The following DCHS2 variants were observed in gnomAD, a reference collection of about 807,000 sequenced individuals.
DCHS2 encodes protocadherin-23.
DCHS2 carries 142 observed loss-of-function variants against 182.4 expected under a neutral mutation model. The observed-to-expected ratio is 0.78, with a 90% CI of 0.68 to 0.89. The LOEUF is 0.89. Among genes scored for constraint, DCHS2 ranks in the 40% least tolerant of loss-of-function variants. The probability of loss-of-function intolerance (pLI) is 0.00; values close to 1 mark genes in which losing one functional copy is unlikely to be tolerated. For synonymous variants in DCHS2, 1,740 were observed against 1,663.3 expected, an observed-to-expected ratio of 1.05 and a Z score of -1.12; for missense variants, 4,319 against 4,198.6, an observed-to-expected ratio of 1.03 and a Z score of -0.79.
chr4:154,412,067 T>A (rs986763609), intron 1 of DCHS2, among the ~76,000 whole-genome samples: 1 of 152,206 alleles, frequency 6.6e-6, no homozygotes, highest in Admixed American at 6.5e-5. Flanking sequence ...ATTTACTGTA[T>A]CATGCATTCT....
chr4:154,342,134 G>GT (rs1038816034), intron 3 of DCHS2, among the ~76,000 whole-genome samples: 11 of 152,158 alleles, frequency 7.2e-5, no homozygotes, highest in Admixed American at 3.3e-4. Context: ...TTTACACTAT[G>GT]TTGTAGCCTA....
chr4:154,461,871 A>C (rs1385507646), intron 1 of DCHS2, among the ~76,000 whole-genome samples: 1 of 152,190 alleles, frequency 6.6e-6, no homozygotes, highest in Non-Finnish European at 1.5e-5. Context: ...GGACATTTGC[A>C]AGAGGAAGAC....
At chr4:154,319,363 A>G (rs1000457814) in intron 9 of DCHS2, among the ~76,000 whole-genome samples, 2 of 152,040 alleles carry the variant, frequency 1.3e-5, no homozygotes, top group African/African-American at 4.8e-5. Context: ...TAAAATTAAG[A>G]AGCTTCTGCA....
At chr4:154,485,830 T>A (rs189027967) in intron 1 of DCHS2, among the ~76,000 whole-genome samples, 1 of 152,378 alleles carries the variant, frequency 6.6e-6, no homozygotes, top group East Asian at 1.9e-4. Context: ...GATCTGGTTA[T>A]AAGATAAAAG....
At position 154,366,261 on chromosome 4, in the gene DCHS2, C is replaced by T. The variant is rs1189900596; in HGVS notation, c.2425G>A (p.Glu809Lys). 2 of 1,613,738 alleles carry T rather than the reference C, an allele frequency of 1.2e-6. No individual in the cohort carries two copies. Among genetic ancestry groups the T allele is most frequent in the Admixed American group, 1.7e-5 (1 of 59,990 alleles). ...GACGACACGTTTCCTGGAATAAGCT[C>T]ATAAGCCACTGTCCCATATATCCCA... The part of the protein sequence containing the change: ...DSGIYGTVAY[E>K]LIPGNVSSLF... Residue 809 changes from glutamate (E) to lysine (K), a missense_variant, in exon 3 of 20, where the codon GAG becomes AAG. Glu to Lys is a moderately conservative substitution (Grantham distance 56). Transcript: ENST00000357232.
At chr4:154,445,269 C>T (rs1734233368) in intron 1 of DCHS2, among the ~76,000 whole-genome samples, 1 of 152,138 alleles carries the variant, frequency 6.6e-6, no homozygotes, top group African/African-American at 2.4e-5. Flanking sequence ...TAAATATTTC[C>T]TGAATGAATT....
At chr4:154,414,524 TATG>T (rs1732758711) in intron 1 of DCHS2, among the ~76,000 whole-genome samples, 3 of 126,816 alleles carry the variant, frequency 2.4e-5, no homozygotes, top group African/African-American at 9.1e-5. Context: ...CCAAGGGACA[TATG>T]ATAACTGCCA....
chr4:154,387,343 T>C (rs1731466149), intron 1 of DCHS2, among the ~76,000 whole-genome samples: 1 of 152,140 alleles, frequency 6.6e-6, no homozygotes, highest in African/African-American at 2.4e-5. Flanking sequence ...AATAGTGTGA[T>C]CTAATAAAAG....
chr4:154,445,808 C>CAA (rs11335225), intron 1 of DCHS2, among the ~76,000 whole-genome samples: 5 of 110,804 alleles, frequency 4.5e-5, no homozygotes, highest in African/African-American at 1.0e-4. Context: ...AAGACACTGT[C>CAA]AAAAAAAAAA....
chr4:154,476,590 A>G (rs1735693525), intron 1 of DCHS2, among the ~76,000 whole-genome samples: 1 of 152,202 alleles, frequency 6.6e-6, no homozygotes, highest in South Asian at 2.1e-4. Flanking sequence ...TGTGGCTACC[A>G]TGCAGGGCAT....
chr4:154,286,399 G>A (rs924427595), intron 13 of DCHS2, among the ~76,000 whole-genome samples: 2 of 151,904 alleles, frequency 1.3e-5, no homozygotes, highest in African/African-American at 4.8e-5. Flanking sequence ...TGAGATAGGT[G>A]ACCTTTCAGA....
At chr4:154,277,324 T>C (rs1042649419) in intron 13 of DCHS2, among the ~76,000 whole-genome samples, 3 of 152,242 alleles carry the variant, frequency 2.0e-5, no homozygotes, top group African/African-American at 7.2e-5. Flanking sequence ...CCAGCATACT[T>C]TGGATGCTTG....
Position 154,490,362 on chromosome 4 carries a change from G to A in DCHS2, c.994C>T (p.Arg332Cys). The A allele has an allele frequency of 1.3e-6, 2 of 1,537,852 alleles. No homozygotes were observed. The highest frequency in any genetic ancestry group is 8.7e-7 in the Non-Finnish European group (1 of 1,145,364). Residue 332 changes from arginine to cysteine, a missense_variant, in exon 1 of 20, where the codon CGC becomes TGC. Physicochemically the swap from Arg to Cys is radical, Grantham distance 180 (BLOSUM62 -3). Transcript: ENST00000357232. ...DRDLGPNGFVRYSVRARQVPG... is the reference protein window; with the variant it reads ...DRDLGPNGFVCYSVRARQVPG... ...ACTTGCCGGGCGCGGACGCTGTAGCGCACGAAGCCATTGGGCCCCAGGTCG... is the reference window on the plus strand; with the variant it reads ...ACTTGCCGGGCGCGGACGCTGTAGCACACGAAGCCATTGGGCCCCAGGTCG...
intron 13 of DCHS2, among the ~76,000 whole-genome samples, chr4:154,277,516 T>C (rs1733906618): frequency 6.6e-6 from 1 of 151,786 alleles, no homozygotes; most frequent in Non-Finnish European, 1.5e-5. Context: ...CAGAAAACCT[T>C]TAGGAGGCCC....
At chr4:154,346,080 C>G (rs968102862) in intron 3 of DCHS2, among the ~76,000 whole-genome samples, 3 of 152,158 alleles carry the variant, frequency 2.0e-5, no homozygotes, top group Non-Finnish European at 2.9e-5. Context: ...AGCCACTCAT[C>G]CCATTGTGGA....
intron 3 of DCHS2, among the ~76,000 whole-genome samples, chr4:154,353,844 T>A (rs926550821): frequency 6.6e-6 from 1 of 152,218 alleles, no homozygotes; most frequent in African/African-American, 2.4e-5. Context: ...ATTTTTAGAT[T>A]TGGGAAAGGA....
intron 1 of DCHS2, among the ~76,000 whole-genome samples, chr4:154,431,742 T>G (rs1733567745): frequency 6.6e-6 from 1 of 152,168 alleles, no homozygotes. Context: ...GAATCAGTTT[T>G]TGGTCACCTG....
intron 9 of DCHS2, among the ~76,000 whole-genome samples, chr4:154,316,339 A>G (rs189639046): frequency 6.6e-6 from 1 of 152,348 alleles, no homozygotes; most frequent in Admixed American, 6.5e-5. Flanking sequence ...TTCATGTCAC[A>G]TAACACCTCA....
intron 7 of DCHS2, 137 bp from the exon 8 acceptor site, chr4:154,322,625 C>A: frequency 6.1e-6 from 7 of 1,142,384 alleles, no homozygotes; most frequent in South Asian, 4.5e-5. Flanking sequence ...AAAAATGACA[C>A]TAAAAATAGA....
Sources: gnomAD v4.1 joint callset for allele counts (sites outside exome capture counted in the v4.1 genomes callset) on GRCh38, gnomAD v4.1.1 for gene constraint, MANE v1.5 for transcripts, NCBI Gene and HGNC (gene_info 2026-07-23, HGNC 2026-07-21) for gene names.